Variants in ESRRB observed in about 807,000 individuals in gnomAD.
ESRRB encodes estrogen related receptor beta, also known as steroid hormone receptor ERR2.
In ESRRB, 16 loss-of-function variants were observed where a neutral mutation model predicts 46.0. The ratio of observed to expected loss-of-function variants is 0.35; its 90% CI spans 0.24 to 0.53. The LOEUF is 0.53. Among genes scored for constraint, ESRRB ranks in the 20% least tolerant of loss-of-function variants. The pLI, the probability that ESRRB is intolerant of heterozygous loss-of-function variation, is 0.93. For synonymous variants in ESRRB, 246 were observed against 259.6 expected (o/e 0.95, Z 0.50); for missense variants, 488 against 607.4 (o/e 0.80, Z 2.07).
intron 1 of ESRRB, among the ~76,000 whole-genome samples, chr14:76,358,682 A>T (rs1884428147): frequency 6.6e-6 from 1 of 152,264 alleles, no homozygotes; most frequent in Admixed American, 6.5e-5. Context: ...CACACTGTGA[A>T]CTGCAATCTG....
intron 6 of ESRRB, chr14:76,495,567 A>G (rs1159597736): frequency 7.0e-6 from 1 of 142,044 alleles, no homozygotes; most frequent in South Asian, 2.2e-4. Flanking sequence ...TTTTTTAAGT[A>G]ATGGTTTTCC....
At chr14:76,338,118 G>C (rs1024976997) in intron 1 of ESRRB, among the ~76,000 whole-genome samples, 2 of 152,206 alleles carry the variant, frequency 1.3e-5, no homozygotes, top group African/African-American at 4.8e-5. Context: ...CTCCCAGGGG[G>C]CCCTACTCTC....
intron 1 of ESRRB, among the ~76,000 whole-genome samples, chr14:76,339,175 C>A (rs1264646462): frequency 1.3e-5 from 2 of 152,120 alleles, no homozygotes; most frequent in Non-Finnish European, 2.9e-5. Context: ...GAATGGCACA[C>A]CCTAGTGGGT....
At chr14:76,433,233 A>G (rs1325057122) in intron 1 of ESRRB, among the ~76,000 whole-genome samples, 1 of 152,182 alleles carries the variant, frequency 6.6e-6, no homozygotes, top group Non-Finnish European at 1.5e-5. Flanking sequence ...TGAAGATTGA[A>G]GTACAGTTTG....
intron 2 of ESRRB, among the ~76,000 whole-genome samples, chr14:76,442,419 T>C (rs1208314822): frequency 1.3e-5 from 2 of 151,946 alleles, no homozygotes; most frequent in African/African-American, 4.8e-5. Flanking sequence ...GAGGGTGCAG[T>C]GAGCCGAGAT....
At position 76,447,723 on chromosome 14, in the gene ESRRB, C is replaced by G. The variant is rs567249832; in HGVS notation, c.460+7973C>G. ...TGCTTCCTGTCCCAGCGCCCACCCC[C>G]CTACCACCCCGAACTAACATCCCAG... On this transcript the variant is annotated intron_variant, in intron 2 of 6. Transcript: ENST00000644823. 5.9e-5 allele frequency among the ~76,000 whole-genome samples: 9 copies of G among 152,230 alleles called. No individual in the cohort carries two copies. In the South Asian group the frequency reaches 8.3e-4, roughly 14 times the overall value.
intron 1 of ESRRB, among the ~76,000 whole-genome samples, chr14:76,418,930 G>A (rs67052641): frequency 0.067 from 10,229 of 151,898 alleles, 507 homozygotes; most frequent in East Asian, 0.18. Flanking sequence ...AACCTTGAGA[G>A]TTTTTAGAAG....
intron 2 of ESRRB, among the ~76,000 whole-genome samples, chr14:76,456,038 G>GCACACACA (rs60824171): frequency 0.018 from 2,448 of 137,214 alleles, 57 homozygotes; most frequent in African/African-American, 0.042. Context: ...AGCGAAACTC[G>GCACACACA]CACACACACA....
chr14:76,357,657 C>T lies in ESRRB; in HGVS notation c.2+46741C>T, dbSNP rs114580362. On this transcript the variant is annotated intron_variant, in intron 1 of 6. Coordinates refer to the ESRRB transcript ENST00000512784. ...GTCTTCCAAGTAGCTGGTACTATGG[C>T]ATGCACCACCATGCTTGGCTAAATT... Among the ~76,000 whole-genome samples the T allele has an allele frequency of 7.1e-3, 1,076 of 152,244 alleles. 16 individuals carry two copies. Among genetic ancestry groups the T allele is most frequent in the African/African-American group, 0.025 (1,032 of 41,550 alleles).
At chr14:76,403,001 G>A (rs1490797089) in intron 1 of ESRRB, among the ~76,000 whole-genome samples, 1 of 152,116 alleles carries the variant, frequency 6.6e-6, no homozygotes, top group Non-Finnish European at 1.5e-5. Context: ...ATATTGGCCA[G>A]GCAGCTTTCA....
rs780442131 is a variant in ESRRB at position 76,439,555 on chromosome 14, G to C, written c.265G>C (p.Gly89Arg). The C allele has an allele frequency of 1.2e-6, 2 of 1,614,002 alleles. No individual in the cohort carries two copies. The highest frequency in any genetic ancestry group is 3.3e-5 in the Admixed American group (2 of 60,026). Residue 89 changes from glycine (G) to arginine (R), a missense_variant, in exon 2 of 7, where the codon GGA (glycine) becomes CGA (arginine). Gly to Arg is a moderately radical substitution (Grantham distance 125). Transcript: ENST00000644823. ...ACCCATGTTTGCAGGCGCCGGGCTG[G>C]GAGGCACCCCATGCCGCAAGAGCTA... is the stretch of plus-strand genomic sequence containing the variant. ...SPPMFAGAGL[G>R]GTPCRKSYED...
intron 1 of ESRRB, among the ~76,000 whole-genome samples, chr14:76,325,010 C>A (rs1325378534): frequency 6.9e-6 from 1 of 145,812 alleles, no homozygotes; most frequent in Admixed American, 7.0e-5. Flanking sequence ...TGTCACCCAG[C>A]CTGGAGTGCA....
rs146426414 is a variant in ESRRB at position 76,492,458 on chromosome 14, C to T, written c.1120+742C>T. 6.5e-3 allele frequency among the ~76,000 whole-genome samples: 991 copies of T among 152,338 alleles called. 4 individuals carry two copies. Among genetic ancestry groups the T allele is most frequent in the Middle Eastern group, 0.014 (4 of 294 alleles). ...TTGGCACTACAGGTATGAGCCACCA[C>T]GCTCAGCGTCAACTTATTAAATTAG... On this transcript the variant is annotated intron_variant, in intron 6 of 6. Transcript: ENST00000644823.
chr14:76,335,578 A>G (rs1884117506), intron 1 of ESRRB, among the ~76,000 whole-genome samples: 1 of 152,250 alleles, frequency 6.6e-6, no homozygotes, highest in Non-Finnish European at 1.5e-5. Flanking sequence ...TTAGGTGAAA[A>G]GGAAACAAAC....
chr14:76,431,020 G>A (rs1485961129), intron 1 of ESRRB, among the ~76,000 whole-genome samples: 1 of 152,200 alleles, frequency 6.6e-6, no homozygotes, highest in African/African-American at 2.4e-5. Flanking sequence ...TGAGAGGCCG[G>A]GCCTGATGGC....
chr14:76,483,478 C>T (rs1222217240), intron 5 of ESRRB, among the ~76,000 whole-genome samples: 2 of 152,168 alleles, frequency 1.3e-5, no homozygotes, highest in African/African-American at 4.8e-5. Context: ...AGTGTGTGTT[C>T]CATGTTTCAG....
At chr14:76,387,884 T>C (rs1402975811) in intron 1 of ESRRB, among the ~76,000 whole-genome samples, 1 of 152,202 alleles carries the variant, frequency 6.6e-6, no homozygotes, top group African/African-American at 2.4e-5. Context: ...ATAGTAATAG[T>C]TGTAGTAATT....
chr14:76,345,352 A>C (rs2360996), intron 1 of ESRRB, among the ~76,000 whole-genome samples: 84,640 of 151,924 alleles, frequency 0.56, 23,721 homozygotes, highest in Admixed American at 0.69. Flanking sequence ...TAAGAAAAAA[A>C]CAAACAATCC....
At chr14:76,481,628 G>A (rs1052159543) in intron 3 of ESRRB, among the ~76,000 whole-genome samples, 3 of 152,166 alleles carry the variant, frequency 2.0e-5, no homozygotes, top group Admixed American at 6.6e-5. Context: ...GTGAATGACC[G>A]GGATTCCTTT....
Sources: gnomAD v4.1 joint callset for allele counts (sites outside exome capture counted in the v4.1 genomes callset) on GRCh38, gnomAD v4.1.1 for gene constraint, MANE v1.5 for transcripts, NCBI Gene and HGNC (gene_info 2026-07-23, HGNC 2026-07-21) for gene names.